CHM: variants seen among roughly 807,000 people sequenced by gnomAD.
CHM encodes CHM Rab escort protein, also known as rab proteins geranylgeranyltransferase component A 1.
A neutral mutation model predicts 49.0 loss-of-function variants in CHM; 10 were observed. That is an observed-to-expected ratio of 0.20 (90% CI 0.13 to 0.35). The LOEUF is 0.35. Ranked by LOEUF, CHM falls within the 10% of genes least tolerant of loss-of-function variation. CHM has a pLI of 1.00. For missense variants in CHM, 455 were observed against 478.4 expected (o/e 0.95, Z 0.46); for synonymous variants, 184 against 167.5 (o/e 1.10, Z -0.76).
intron 2 of CHM, among the ~76,000 whole-genome samples, chrX:85,998,838 T>A (rs181686938): frequency 3.7e-4 from 41 of 111,371 alleles, no homozygotes; most frequent in Admixed American, 3.4e-3. Flanking sequence ...TTGGGGACAA[T>A]CTATATTGAT....
chrX:85,943,262 A>G (rs1929225131), intron 8 of CHM, among the ~76,000 whole-genome samples: 1 of 110,748 alleles, frequency 9.0e-6, no homozygotes, highest in Non-Finnish European at 1.9e-5. Flanking sequence ...AAACAACCCC[A>G]TCAAAAAGTG....
Position 85,958,960 on chromosome X carries a change from T to C in CHM, c.720A>G (p.Gly240=), listed in dbSNP as rs1430059191. The C allele has an allele frequency of 8.3e-7, 1 of 1,208,876 alleles. No individual in the cohort carries two copies. The highest frequency in any genetic ancestry group is 1.8e-5 in the African/African-American group (1 of 57,074). The change falls in exon 6 of 15, where the codon GGA becomes GGG. Residue 240 remains glycine, a synonymous_variant. Coordinates refer to ENST00000357749, the MANE Select transcript of CHM (RefSeq NM_000390.4). ...ATTTGATTAGAAGATCAATTAGTAA[T>C]CCTCGAGAATACAGCAGCTGTACAA... is the stretch of plus-strand genomic sequence containing the variant. ...DLVSKLLYSR[G]LLIDLLIKSN...
chrX:85,876,356 A>C (rs1924413089), intron 13 of CHM, among the ~76,000 whole-genome samples: 1 of 112,159 alleles, frequency 8.9e-6, no homozygotes, highest in Non-Finnish European at 1.9e-5. Flanking sequence ...ACAATGCAGT[A>C]AAGCATAAGG....
chrX:85,862,075 G>T lies in CHM; in HGVS notation c.*2555C>A, dbSNP rs1343137151. 2 of 112,024 alleles carry T rather than the reference G, an allele frequency of 1.8e-5. No individual in the cohort carries two copies. Among genetic ancestry groups the T allele is most frequent in the Non-Finnish European group, 3.8e-5 (2 of 53,176 alleles). 9.2% of individuals were successfully genotyped at this position (112,024 alleles called of 1,213,427 possible). A position where few individuals can be genotyped will look rare whatever the true frequency, so the allele number is the denominator to read the frequency against. On this transcript the variant is annotated 3_prime_UTR_variant, in exon 15 of 15. Transcript: ENST00000357749. ...AAGTTCTTAAAGTCTTTTATCAGTTGTATGATATTTTAATCATCATGAATC... is the reference window on the plus strand; with the variant it reads ...AAGTTCTTAAAGTCTTTTATCAGTTTTATGATATTTTAATCATCATGAATC...
intron 2 of CHM, among the ~76,000 whole-genome samples, chrX:86,012,583 A>G (rs1474590223): frequency 8.9e-6 from 1 of 111,817 alleles, no homozygotes; most frequent in Non-Finnish European, 1.9e-5. Context: ...AGCCCTAAGG[A>G]AAAAGCCAAG....
intron 1 of CHM, among the ~76,000 whole-genome samples, chrX:86,033,513 A>G (rs1317170780): frequency 8.9e-6 from 1 of 112,279 alleles, no homozygotes. Flanking sequence ...TTTTTTAGGA[A>G]AAACAGAATT....
intron 2 of CHM, among the ~76,000 whole-genome samples, chrX:86,004,287 G>A (rs779707772): frequency 3.6e-5 from 4 of 111,771 alleles, no homozygotes; most frequent in South Asian, 3.8e-4. Context: ...AGAAACAACC[G>A]GTACCAGCCA....
chrX:85,897,034 T>C (rs1348750064), intron 11 of CHM, among the ~76,000 whole-genome samples: 1 of 95,155 alleles, frequency 1.1e-5, no homozygotes, highest in South Asian at 4.2e-4. Flanking sequence ...ATTAATTATA[T>C]AATAACATAA....
chrX:86,023,691 A>G (rs1177728754), intron 2 of CHM, among the ~76,000 whole-genome samples: 1 of 111,746 alleles, frequency 8.9e-6, no homozygotes, highest in African/African-American at 3.3e-5. Flanking sequence ...ACTTGATGAC[A>G]CTAAAAGTCA....
At chrX:85,989,719 T>C (rs1024767055) in intron 2 of CHM, among the ~76,000 whole-genome samples, 5 of 101,799 alleles carry the variant, frequency 4.9e-5, no homozygotes, top group African/African-American at 1.7e-4. Context: ...AACATACATG[T>C]AGTCAATAGC....
At chrX:86,038,526 T>A (rs1243315321) in intron 1 of CHM, among the ~76,000 whole-genome samples, 1 of 112,331 alleles carries the variant, frequency 8.9e-6, no homozygotes, top group Non-Finnish European at 1.9e-5. Context: ...GACCTGAGGC[T>A]GTGCCACAGG....
intron 11 of CHM, among the ~76,000 whole-genome samples, chrX:85,896,584 G>GT (rs2148147313): frequency 9.1e-6 from 1 of 109,470 alleles, no homozygotes; most frequent in South Asian, 3.9e-4. Context: ...AGATACAGAA[G>GT]TGTCTGTCAC....
chrX:85,915,630 C>T (rs1403742340), intron 8 of CHM, among the ~76,000 whole-genome samples: 1 of 112,023 alleles, frequency 8.9e-6, no homozygotes, highest in Admixed American at 9.5e-5. Flanking sequence ...GTACAAAAAT[C>T]ACTAGCATTC....
chrX:86,044,136 C>T (rs920976380), intron 1 of CHM, among the ~76,000 whole-genome samples: 1 of 111,623 alleles, frequency 9.0e-6, no homozygotes, highest in Non-Finnish European at 1.9e-5. Context: ...AAGGCCAGAA[C>T]GTTCCTGAGA....
chrX:85,972,422 G>A (rs1246111978), intron 4 of CHM, among the ~76,000 whole-genome samples: 3 of 113,047 alleles, frequency 2.7e-5, no homozygotes, highest in Non-Finnish European at 3.8e-5. Flanking sequence ...GGCATTTGTC[G>A]GGGAGGCTCG....
chrX:85,990,822 C>G (rs953399763), intron 2 of CHM, among the ~76,000 whole-genome samples: 2 of 111,789 alleles, frequency 1.8e-5, no homozygotes, highest in African/African-American at 6.5e-5. Context: ...TCCTAACAAT[C>G]TTCTTTTCCA....
chrX:86,047,320 G>A, intron 1 of CHM, 164 bp downstream of exon 1: 1 of 521,081 alleles, frequency 1.9e-6, no homozygotes, highest in East Asian at 3.7e-5. Context: ...GCCCCTCCCT[G>A]TAACTGCCAA....
Position 85,911,291 on chromosome X carries a change from T to C in CHM, c.1214A>G (p.Gln405Arg). Residue 405 changes from glutamine (Q) to arginine (R), a missense_variant, in exon 9 of 15, where the codon CAG becomes CGG. Gln to Arg is a conservative substitution (Grantham distance 43). Transcript: ENST00000357749. ...GGATTCTTTGTCCACTACAAGGCACTGTACTGAATGGCGAAGACAATAAAT... is the reference window on the plus strand; with the variant it reads ...GGATTCTTTGTCCACTACAAGGCACCGTACTGAATGGCGAAGACAATAAAT... Reference protein sequence around the residue: ...GGIYCLRHSVQCLVVDKESRK... With the variant: ...GGIYCLRHSVRCLVVDKESRK... The C allele has an allele frequency of 5.8e-6, 6 of 1,040,025 alleles. No individual in the cohort carries two copies. The highest frequency in any genetic ancestry group is 7.6e-6 in the Non-Finnish European group (6 of 791,220). 85.7% of individuals were successfully genotyped at this position (1,040,025 alleles called of 1,213,427 possible).
At position 85,958,864 on chromosome X, in the gene CHM, T is replaced by C; in HGVS notation, c.816A>G (p.Glu272=). The C allele has an allele frequency of 8.3e-7, 1 of 1,211,505 alleles. No individual in the cohort carries two copies. The highest frequency in any genetic ancestry group is 1.8e-5 in the South Asian group (1 of 56,987). The change falls in exon 6 of 15, where the codon GAA becomes GAG. Residue 272 remains glutamate, a synonymous_variant. Transcript: ENST00000357749. Reference sequence around the variant, plus strand: ...CAATTCTTGATCAGCACAGTACCTGTTCCACTCGTCCTTCTCGAAATGCAA... The same window carrying C: ...CAATTCTTGATCAGCACAGTACCTGCTCCACTCGTCCTTCTCGAAATGCAA... ...RILAFREGRV[E]QVPCSRADVF... is the part of the protein sequence containing the mutation.
Sources: allele counts gnomAD v4.1 joint callset (sites outside exome capture counted in the v4.1 genomes callset), GRCh38; gene constraint gnomAD v4.1.1; transcripts MANE v1.5; gene names NCBI Gene and HGNC (gene_info 2026-07-23, HGNC 2026-07-21).